CNTNAP2: variants seen among roughly 807,000 people sequenced by gnomAD.
CNTNAP2 encodes contactin-associated protein-like 2.
A neutral mutation model predicts 155.2 loss-of-function variants in CNTNAP2; 98 were observed. That is an observed-to-expected ratio of 0.63 (90% CI 0.54 to 0.75). The LOEUF (loss-of-function observed/expected upper bound fraction) is 0.75, where lower values mean the gene tolerates loss of function less well. Ranked by LOEUF, CNTNAP2 falls within the 30% of genes least tolerant of loss-of-function variation. The pLI, the probability that CNTNAP2 is intolerant of heterozygous loss-of-function variation, is 0.00. For synonymous variants in CNTNAP2, 651 were observed against 631.2 expected, an observed-to-expected ratio of 1.03 and a Z score of -0.47; for missense variants, 1,727 against 1,688.1, an observed-to-expected ratio of 1.02 and a Z score of -0.40.
intron 13 of CNTNAP2, among the ~76,000 whole-genome samples, chr7:147,807,922 C>T (rs2116602165): frequency 6.6e-6 from 1 of 151,864 alleles, no homozygotes; most frequent in South Asian, 2.1e-4. Flanking sequence ...ATTTGCCAGT[C>T]ATATGGGAAG....
chr7:147,320,656 T>G (rs73742549), intron 9 of CNTNAP2, among the ~76,000 whole-genome samples: 8,261 of 152,218 alleles, frequency 0.054, 281 homozygotes, highest in African/African-American at 0.1. Flanking sequence ...TGAAATACAC[T>G]CCTCTTATGA....
At chr7:147,105,335 T>C (rs1800743582) in intron 4 of CNTNAP2, among the ~76,000 whole-genome samples, 1 of 151,942 alleles carries the variant, frequency 6.6e-6, no homozygotes, top group South Asian at 2.1e-4. Context: ...AACACTATGA[T>C]TTTGCATTCA....
At chr7:147,242,680 T>G (rs912203255) in intron 8 of CNTNAP2, among the ~76,000 whole-genome samples, 3 of 152,172 alleles carry the variant, frequency 2.0e-5, no homozygotes, top group Admixed American at 2.0e-4. Context: ...CCATTTATTA[T>G]TTCTTCTTTG....
chr7:147,432,430 A>G (rs951473641), intron 10 of CNTNAP2, among the ~76,000 whole-genome samples: 1 of 152,228 alleles, frequency 6.6e-6, no homozygotes, highest in Non-Finnish European at 1.5e-5. Flanking sequence ...GAAGTTTTCT[A>G]CCAAGGAAAT....
intron 10 of CNTNAP2, among the ~76,000 whole-genome samples, chr7:147,457,686 G>T (rs1407162070): frequency 2.0e-5 from 3 of 151,916 alleles, no homozygotes; most frequent in Admixed American, 6.6e-5. Context: ...ATTAATGAAT[G>T]AGCAAGCCCT....
rs756258642 is a variant in CNTNAP2, at chr7:147,015,090, GTT to G, written c.403-28805_403-28804del. Among the ~76,000 whole-genome samples the G allele has an allele frequency of 9.7e-5, 14 of 144,120 alleles. No homozygotes were observed. In the East Asian group the frequency reaches 2.8e-3, roughly 29 times the overall value. The allele number at this position is 144,120 out of a possible 152,430, so 94.5% of individuals were successfully genotyped here. Reference sequence around the variant, plus strand: ...GTTTATGGATGCTTTTGACACAGTGGTTTTTTTTTTTTTCTTTTTTCCCTCAG... The same window carrying G: ...GTTTATGGATGCTTTTGACACAGTGGTTTTTTTTTTTCTTTTTTCCCTCAG... On this transcript the variant is annotated intron_variant, in intron 3 of 23. Coordinates refer to ENST00000361727, the MANE Select transcript of CNTNAP2 (RefSeq NM_014141.6).
At chr7:147,913,393 G>C (rs1800101965) in intron 14 of CNTNAP2, among the ~76,000 whole-genome samples, 1 of 152,160 alleles carries the variant, frequency 6.6e-6, no homozygotes, top group Non-Finnish European at 1.5e-5. Context: ...TCAGGAAATA[G>C]AGATTTTACC....
In CNTNAP2 at chr7:147,806,981, A is replaced by G. The variant is rs562414204; in HGVS notation, c.2099-96584A>G. 2.0e-5 allele frequency among the ~76,000 whole-genome samples: 3 copies of G among 152,276 alleles called. No homozygotes were observed. The East Asian group carries it at 5.8e-4, about 29-fold the overall frequency. On this transcript the variant is annotated intron_variant, in intron 13 of 23. Coordinates refer to ENST00000361727, the MANE Select transcript of CNTNAP2 (RefSeq NM_014141.6). ...TAACAATAATTTATTGTATATTTCA[A>G]AATAACTTGAAGAGTGGGATTGAAA...
intron 15 of CNTNAP2, among the ~76,000 whole-genome samples, chr7:148,032,590 T>G (rs917523771): frequency 6.6e-6 from 1 of 152,018 alleles, no homozygotes; most frequent in South Asian, 2.1e-4. Flanking sequence ...AAGGGAAACG[T>G]TCAAGGTCCC....
Position 146,389,696 on chromosome 7 carries a change from C to CTT in CNTNAP2, c.97+272728_97+272729dup, listed in dbSNP as rs1408040421. ...TATTTCTTTTTTTCTTTTTTCTTTTCTTTTTTCTTTTTTTTTTTTTTTGAG... is the reference window on the plus strand; with the variant it reads ...TATTTCTTTTTTTCTTTTTTCTTTTCTTTTTTTTCTTTTTTTTTTTTTTTGAG... On this transcript the variant is annotated intron_variant, in intron 1 of 23. Coordinates refer to ENST00000361727, the MANE Select transcript of CNTNAP2 (RefSeq NM_014141.6). Among the ~76,000 whole-genome samples the CTT allele has an allele frequency of 5.7e-5, 8 of 140,816 alleles. 1 individual carries two copies. The highest frequency in any genetic ancestry group is 1.9e-4 in the African/African-American group (7 of 37,344). The allele number at this position is 140,816 out of a possible 152,430, so 92.4% of individuals were successfully genotyped here.
intron 10 of CNTNAP2, among the ~76,000 whole-genome samples, chr7:147,459,673 C>A (rs1563212430): frequency 6.6e-6 from 1 of 152,092 alleles, no homozygotes; most frequent in African/African-American, 2.4e-5. Context: ...ATGCAGACTG[C>A]CTTTCGAGGT....
At chr7:147,697,352 A>G (rs560199241) in intron 13 of CNTNAP2, among the ~76,000 whole-genome samples, 1 of 152,190 alleles carries the variant, frequency 6.6e-6, no homozygotes, top group South Asian at 2.1e-4. Flanking sequence ...GATAATTCCA[A>G]CGTCCCTACC....
At chr7:148,272,195 C>A (rs1051349658) in intron 21 of CNTNAP2, among the ~76,000 whole-genome samples, 7 of 152,190 alleles carry the variant, frequency 4.6e-5, no homozygotes, top group Admixed American at 6.5e-5. Context: ...CGGATTCTTA[C>A]ATAATTCTGA....
intron 13 of CNTNAP2, among the ~76,000 whole-genome samples, chr7:147,815,671 G>A (rs1053664109): frequency 2.6e-5 from 4 of 152,080 alleles, no homozygotes; most frequent in Non-Finnish European, 5.9e-5. Flanking sequence ...TGCCACCATG[G>A]AATACAACAT....
intron 14 of CNTNAP2, among the ~76,000 whole-genome samples, chr7:147,930,747 C>T (rs1800486421): frequency 6.6e-6 from 1 of 152,212 alleles, no homozygotes; most frequent in South Asian, 2.1e-4. Context: ...AATTCACATC[C>T]TTCTCAAACA....
In CNTNAP2 at chr7:148,416,047, CT is replaced by C. The variant is rs1799981224; in HGVS notation, c.*435del. 5.3e-6 allele frequency: 1 copy of C among 189,512 alleles called. No homozygotes were observed. The highest frequency in any genetic ancestry group is 1.2e-4 in the South Asian group (1 of 8,316). The allele number at this position is 189,512 out of a possible 1,614,324, so 11.7% of individuals were successfully genotyped here. Reference sequence around the variant, plus strand: ...ACAGATGGCCCCCAACATTCTCTTCCTTTTGCTTCTAGTCAACCTTAATGGG... The same window carrying C: ...ACAGATGGCCCCCAACATTCTCTTCCTTTGCTTCTAGTCAACCTTAATGGG... On this transcript the variant is annotated 3_prime_UTR_variant, in exon 24 of 24. Transcript: ENST00000361727.
rs904267244 is a variant in CNTNAP2 at position 147,128,791 on chromosome 7, C to T, written c.1038C>T (p.Asn346=). Residue 346 remains asparagine (N), a synonymous_variant, in exon 7 of 24, where the codon AAC becomes AAT. Coordinates refer to ENST00000361727, the MANE Select transcript of CNTNAP2 (RefSeq NM_014141.6). ...AAAGCATCAACTACAATGGCGTCAA[C>T]ATTACTGATCTTGCCAGAAGGAAGA... ...CMESINYNGV[N]ITDLARRKKL... The T allele has an allele frequency of 6.2e-7, 1 of 1,614,058 alleles. No individual in the cohort carries two copies. Among genetic ancestry groups the T allele is most frequent in the Non-Finnish European group, 8.5e-7 (1 of 1,179,956 alleles).
In CNTNAP2 at chr7:146,140,860, G is replaced by T. The variant is rs140906382; in HGVS notation, c.97+23887G>T. ...GGTGATTTTCTGGATTATTATGAAGGGGGTGGTGGCTGTTGACATTTAGAG... is the reference window on the plus strand; with the variant it reads ...GGTGATTTTCTGGATTATTATGAAGTGGGTGGTGGCTGTTGACATTTAGAG... On this transcript the variant is annotated intron_variant, in intron 1 of 23. Transcript: ENST00000361727. Among the ~76,000 whole-genome samples, 33 of 152,194 alleles carry T rather than the reference G, an allele frequency of 2.2e-4. No individual in the cohort carries two copies. The South Asian group carries it at 4.6e-3, about 21-fold the overall frequency.
intron 1 of CNTNAP2, among the ~76,000 whole-genome samples, chr7:146,493,139 T>A (rs567903522): frequency 6.6e-6 from 1 of 152,346 alleles, no homozygotes; most frequent in South Asian, 2.1e-4. Context: ...GAGATCAGTA[T>A]TGAACATGAC....
Sources: gnomAD v4.1 joint callset for allele counts (sites outside exome capture counted in the v4.1 genomes callset) on GRCh38, gnomAD v4.1.1 for gene constraint, MANE v1.5 for transcripts, NCBI Gene and HGNC (gene_info 2026-07-23, HGNC 2026-07-21) for gene names.